The following TASP1 variants were observed in gnomAD, a reference collection of about 807,000 sequenced individuals.
TASP1 encodes taspase 1.
In TASP1, 16 loss-of-function variants were observed where a neutral mutation model predicts 56.6. The observed-to-expected ratio is 0.28, with a 90% CI of 0.19 to 0.43. The LOEUF (loss-of-function observed/expected upper bound fraction) is 0.43, where lower values mean the gene tolerates loss of function less well. Among genes scored for constraint, TASP1 ranks in the 20% least tolerant of loss-of-function variants. The probability of loss-of-function intolerance (pLI) is 1.00; values close to 1 mark genes in which losing one functional copy is unlikely to be tolerated. For missense variants in TASP1, 393 were observed against 511.6 expected, an observed-to-expected ratio of 0.77 and a Z score of 2.24; for synonymous variants, 179 against 184.2, an observed-to-expected ratio of 0.97 and a Z score of 0.23.
chr20:13,154,269 G>GA, the TASP1 span: 5 of 1,161,142 alleles, frequency 4.3e-6, no homozygotes, highest in Non-Finnish European at 4.8e-6. Flanking sequence ...ACGGCTTCTC[G>GA]GAAGCCACCT....
the TASP1 span, among the ~76,000 whole-genome samples, chr20:13,321,736 C>T: frequency 6.6e-6 from 1 of 152,316 alleles, no homozygotes; most frequent in East Asian, 1.9e-4. Context: ...AACTATTTTT[C>T]ACATGTATGT....
At chr20:13,233,108 A>G in the TASP1 span, among the ~76,000 whole-genome samples, 1 of 152,174 alleles carries the variant, frequency 6.6e-6, no homozygotes, top group African/African-American at 2.4e-5. Flanking sequence ...ATATTCCTTG[A>G]TTCTCTTGCC....
the TASP1 span, among the ~76,000 whole-genome samples, chr20:13,176,886 A>G: frequency 6.6e-6 from 1 of 152,208 alleles, no homozygotes; most frequent in East Asian, 1.9e-4. Context: ...ATAGAATACC[A>G]AGAAATAAGT....
the TASP1 span, among the ~76,000 whole-genome samples, chr20:13,239,888 T>C: frequency 6.6e-6 from 1 of 152,060 alleles, no homozygotes; most frequent in Non-Finnish European, 1.5e-5. Flanking sequence ...AGCCACACAA[T>C]CCCCCATTTC....
At chr20:13,322,960 G>A in the TASP1 span, among the ~76,000 whole-genome samples, 1 of 152,162 alleles carries the variant, frequency 6.6e-6, no homozygotes, top group African/African-American at 2.4e-5. Context: ...AAGAGTCCCT[G>A]GGATTACTGT....
At chr20:13,552,990 C>CA (rs1257142147) in intron 8 of TASP1, among the ~76,000 whole-genome samples, 5 of 152,058 alleles carry the variant, frequency 3.3e-5, no homozygotes, top group Non-Finnish European at 7.4e-5. Flanking sequence ...GGCTGGAGTG[C>CA]AGTAGCATGA....
chr20:13,128,205 G>A, the TASP1 span, among the ~76,000 whole-genome samples: 3 of 152,282 alleles, frequency 2.0e-5, no homozygotes, highest in African/African-American at 7.2e-5. Context: ...TTGTTTCTGA[G>A]GTGATCGACA....
chr20:13,605,512 T>C (rs1019594087), intron 4 of TASP1, among the ~76,000 whole-genome samples: 3 of 151,722 alleles, frequency 2.0e-5, no homozygotes, highest in African/African-American at 7.3e-5. Context: ...ACCCCATCTC[T>C]CCAAAAATTT....
At chr20:13,251,792 C>T in the TASP1 span, among the ~76,000 whole-genome samples, 29 of 152,180 alleles carry the variant, frequency 1.9e-4, no homozygotes, top group Non-Finnish European at 4.3e-4. Context: ...TTTTGCTTAC[C>T]GTGTGACTTT....
intron 4 of TASP1, among the ~76,000 whole-genome samples, chr20:13,599,962 C>T (rs1184431945): frequency 1.3e-5 from 2 of 151,898 alleles, no homozygotes; most frequent in Non-Finnish European, 2.9e-5. Context: ...GATACAAGAT[C>T]AATATATAAA....
At chr20:13,574,330 T>G (rs2046825619) in intron 6 of TASP1, among the ~76,000 whole-genome samples, 1 of 152,222 alleles carries the variant, frequency 6.6e-6, no homozygotes, top group Non-Finnish European at 1.5e-5. Context: ...TCAAGCTGTT[T>G]TTAAGTAACT....
chr20:13,236,401 C>T, the TASP1 span, among the ~76,000 whole-genome samples: 1 of 152,180 alleles, frequency 6.6e-6, no homozygotes, highest in African/African-American at 2.4e-5. Context: ...CTTCCCACAA[C>T]ACATGGGAAT....
At chr20:13,236,012 C>G in the TASP1 span, among the ~76,000 whole-genome samples, 1 of 151,994 alleles carries the variant, frequency 6.6e-6, no homozygotes, top group Non-Finnish European at 1.5e-5. Flanking sequence ...GCAACCTCCA[C>G]CTCCTGGGTT....
At chr20:13,287,251 G>GA in the TASP1 span, among the ~76,000 whole-genome samples, 203 of 152,316 alleles carry the variant, frequency 1.3e-3, no homozygotes, top group African/African-American at 4.7e-3. Context: ...GGCAAAGGAA[G>GA]AGCAAAGGGA....
At chr20:13,480,198 G>T (rs900135718) in intron 11 of TASP1, among the ~76,000 whole-genome samples, 2 of 152,168 alleles carry the variant, frequency 1.3e-5, no homozygotes, top group East Asian at 1.9e-4. Flanking sequence ...AAAGCATTTA[G>T]AAACTGCCTC....
the TASP1 span, among the ~76,000 whole-genome samples, chr20:13,149,352 C>T: frequency 1.3e-5 from 2 of 152,214 alleles, no homozygotes; most frequent in Non-Finnish European, 2.9e-5. Context: ...CCAAATATTG[C>T]TTCTGCTTTT....
At chr20:13,120,730 T>C in the TASP1 span, among the ~76,000 whole-genome samples, 1 of 152,250 alleles carries the variant, frequency 6.6e-6, no homozygotes, top group Admixed American at 6.5e-5. Context: ...ACAGAGGTTT[T>C]GTTTTTATCT....
intron 13 of TASP1, among the ~76,000 whole-genome samples, chr20:13,399,995 C>A (rs2041678134): frequency 6.6e-6 from 1 of 152,210 alleles, no homozygotes; most frequent in African/African-American, 2.4e-5. Context: ...AGACTTTACT[C>A]GAATGACACC....
chr20:13,554,458 G>A (rs780214622), intron 8 of TASP1, among the ~76,000 whole-genome samples: 2 of 151,864 alleles, frequency 1.3e-5, no homozygotes, highest in Non-Finnish European at 2.9e-5. Context: ...AAGTCTTCTG[G>A]CTTTAATTTG....
Sources: gnomAD v4.1 joint callset for allele counts (sites outside exome capture counted in the v4.1 genomes callset) on GRCh38, gnomAD v4.1.1 for gene constraint, MANE v1.5 for transcripts, NCBI Gene and HGNC (gene_info 2026-07-23, HGNC 2026-07-21) for gene names.